The following IQSEC2 variants were observed in gnomAD, a reference collection of about 807,000 sequenced individuals.
The protein encoded by IQSEC2 is IQ motif and Sec7 domain ArfGEF 2.
Under a neutral mutation model 74.6 loss-of-function variants are expected in IQSEC2, and 6 were observed. That is an observed-to-expected ratio of 0.08 (90% CI 0.04 to 0.16). The LOEUF is 0.16. IQSEC2 is among the 10% of genes least tolerant of loss of function. IQSEC2 has a pLI of 1.00. For synonymous variants in IQSEC2, 494 were observed against 544.5 expected, an observed-to-expected ratio of 0.91 and a Z score of 1.29; for missense variants, 734 against 1,306.2, an observed-to-expected ratio of 0.56 and a Z score of 6.75.
In IQSEC2 at chrX:53,250,417, C is replaced by T; in HGVS notation, c.2159G>A (p.Ser720Asn). The T allele has an allele frequency of 1.7e-6, 2 of 1,211,979 alleles. No individual in the cohort carries two copies. The highest frequency in any genetic ancestry group is 2.2e-6 in the Non-Finnish European group (2 of 895,482). Residue 720 changes from serine (S) to asparagine (N), a missense_variant, in exon 5 of 15, where the codon AGT becomes AAT. Physicochemically the swap from Ser to Asn is conservative, Grantham distance 46. Coordinates refer to ENST00000642864, the MANE Select transcript of IQSEC2 (RefSeq NM_001111125.3). ...NCSSGSSSRD[S>N]LREPPATGLC... is the part of the protein sequence containing the mutation. Reference sequence around the variant, plus strand: ...GCCGGTAGCCGGAGGCTCCCTTAGACTGTCCCGAGAAGAGGAGCCGGAGCT... The same window carrying T: ...GCCGGTAGCCGGAGGCTCCCTTAGATTGTCCCGAGAAGAGGAGCCGGAGCT...
chrX:53,295,187 C>G (rs1276934834), intron 1 of IQSEC2, among the ~76,000 whole-genome samples: 2 of 112,111 alleles, frequency 1.8e-5, no homozygotes, highest in Non-Finnish European at 3.8e-5. Context: ...TATGCCAACT[C>G]CCATCCTCAG....
At chrX:53,304,045 G>T (rs2075237224) in intron 1 of IQSEC2, among the ~76,000 whole-genome samples, 1 of 109,238 alleles carries the variant, frequency 9.2e-6, no homozygotes, top group African/African-American at 3.3e-5. Context: ...CTAAGGCAGA[G>T]AATTGTTTGA....
intron 2 of IQSEC2, among the ~76,000 whole-genome samples, chrX:53,272,672 T>C (rs1479434612): frequency 9.0e-6 from 1 of 111,468 alleles, no homozygotes; most frequent in Non-Finnish European, 1.9e-5. Context: ...TTGGAATCCC[T>C]TTCCCAGGAA....
intron 1 of IQSEC2, among the ~76,000 whole-genome samples, chrX:53,310,775 C>T (rs1243915389): frequency 2.7e-5 from 3 of 111,129 alleles, no homozygotes; most frequent in African/African-American, 9.8e-5. Context: ...AGACAAAAAA[C>T]AGCAGAAAGA....
chrX:53,236,564 T>C, intron 12 of IQSEC2, 69 bp from the exon 13 acceptor site: 1 of 1,059,654 alleles, frequency 9.4e-7, no homozygotes, highest in Non-Finnish European at 1.3e-6. Context: ...TGACTGACCC[T>C]AGCCCTCCAT....
chrX:53,286,882 G>A (rs1309585592), intron 2 of IQSEC2, among the ~76,000 whole-genome samples: 3 of 98,109 alleles, frequency 3.1e-5, no homozygotes, highest in Admixed American at 2.4e-4. Flanking sequence ...GGAGGTTGCA[G>A]TGAGCCAAGA....
intron 1 of IQSEC2, among the ~76,000 whole-genome samples, chrX:53,309,812 A>C (rs1376105223): frequency 8.9e-6 from 1 of 112,572 alleles, no homozygotes; most frequent in African/African-American, 3.2e-5. Context: ...CCAAAAAAGA[A>C]ATCAACAAAG....
Position 53,281,728 on chromosome X carries a change from G to A in IQSEC2, c.737+10167C>T, listed in dbSNP as rs936826131. 48 of 390,361 alleles carry A rather than the reference G, an allele frequency of 1.2e-4. No individual in the cohort carries two copies. The Admixed American group carries it at 1.5e-3, about 12-fold the overall frequency. 32.2% of individuals were successfully genotyped at this position (390,361 alleles called of 1,213,427 possible). On this transcript the variant is annotated intron_variant, in intron 2 of 14. Coordinates refer to ENST00000642864, the MANE Select transcript of IQSEC2 (RefSeq NM_001111125.3). ...CTGGGAACTCCTCCTCCGAGGAAGC[G>A]GCCTGGAGAGCTCACAGTCCCTCCT...
At chrX:53,231,435 G>A (rs1048087647), downstream of IQSEC2, 2 of 111,366 alleles carry the variant, frequency 1.8e-5, no homozygotes, top group African/African-American at 6.6e-5. Context: ...GAGATTGGCT[G>A]GGCCACCTTG....
chrX:53,248,976 C>T lies in IQSEC2; in HGVS notation c.2298-94G>A, dbSNP rs183965301. ...AACTAATTTTGGGCCCAACTAAGTC[C>T]GGCCTCAGAGGACCAACGAAGTCAA... On this transcript the variant is annotated intron_variant, in intron 5 of 14. Transcript: ENST00000642864. 2.1e-5 allele frequency: 19 copies of T among 913,134 alleles called. No homozygotes were observed. The East Asian group carries it at 5.0e-4, about 24-fold the overall frequency. The allele number at this position is 913,134 out of a possible 1,213,427, so 75.3% of individuals were successfully genotyped here.
At chrX:53,294,399 T>C (rs1466880447) in intron 1 of IQSEC2, among the ~76,000 whole-genome samples, 2 of 112,320 alleles carry the variant, frequency 1.8e-5, no homozygotes, top group East Asian at 5.6e-4. Flanking sequence ...TCATTATGTA[T>C]AGAACAATCA....
At chrX:53,247,592 GA>G (rs1157251208) in intron 7 of IQSEC2, among the ~76,000 whole-genome samples, 2 of 112,100 alleles carry the variant, frequency 1.8e-5, no homozygotes, top group African/African-American at 6.5e-5. Flanking sequence ...CCAGGATTTA[GA>G]CCCCAGTCTA....
intron 1 of IQSEC2, among the ~76,000 whole-genome samples, chrX:53,307,876 G>A (rs1453220862): frequency 1.0e-5 from 1 of 99,241 alleles, no homozygotes; most frequent in African/African-American, 3.8e-5. Flanking sequence ...AACAGAGTGA[G>A]GCCCTGTCTA....
In IQSEC2 at chrX:53,234,179, C is replaced by T; in HGVS notation, c.*40G>A. The stretch of plus-strand genomic sequence containing the variant: ...GGTGCAAGGTCCCTCTCCTGTGGCT[C>T]CCCAGACTTTCCTGTTCCCCAGCTC... On this transcript the variant is annotated 3_prime_UTR_variant, in exon 15 of 15. Coordinates refer to ENST00000642864, the MANE Select transcript of IQSEC2 (RefSeq NM_001111125.3). The T allele has an allele frequency of 3.0e-6, 2 of 662,298 alleles. No homozygotes were observed. Among genetic ancestry groups the T allele is most frequent in the Non-Finnish European group, 4.3e-6 (2 of 463,988 alleles). 54.6% of individuals were successfully genotyped at this position (662,298 alleles called of 1,213,427 possible).
chrX:53,320,521 C>A lies in IQSEC2; in HGVS notation c.603G>T (p.Glu201Asp), dbSNP rs782248548. ...AVGVGPRPPR[E>D]RGQLSRGASR... ...ATGCGCCACGGCTCAGCTGGCCCCG[C>A]TCCCGCGGTGGCCGCGGCCCCACGC... The change falls in exon 1 of 15, where the codon GAG (glutamate) becomes GAT (aspartate). Residue 201 changes from glutamate (E) to aspartate (D), a missense_variant. By Grantham distance (45) the Glu-to-Asp change is conservative. This residue lies in a region of IQSEC2 where 134 missense variants were observed against 214.9 expected (regional missense o/e 0.62). Coordinates refer to ENST00000642864, the MANE Select transcript of IQSEC2 (RefSeq NM_001111125.3). The A allele has an allele frequency of 1.6e-5, 18 of 1,157,049 alleles. No homozygotes were observed. The South Asian group carries it at 3.3e-4, about 21-fold the overall frequency.
At chrX:53,289,168 T>TCC (rs2075066463) in intron 2 of IQSEC2, among the ~76,000 whole-genome samples, 6 of 47,057 alleles carry the variant, frequency 1.3e-4, no homozygotes, top group Non-Finnish European at 2.3e-4. Flanking sequence ...CCCTTCCCCC[T>TCC]CCACACACAC....
Position 53,250,692 on chromosome X carries a change from G to A in IQSEC2, c.1884C>T (p.Pro628=), listed in dbSNP as rs2074372746. 1.7e-6 allele frequency: 2 copies of A among 1,209,716 alleles called. No individual in the cohort carries two copies. The highest frequency in any genetic ancestry group is 2.2e-5 in the Admixed American group (1 of 45,865). The part of the protein sequence containing the change: ...QLVYEADGCS[P]HGTLKHKGPP... Reference sequence around the variant, plus strand: ...GCCCCTTGTGCTTCAGGGTCCCATGGGGGCTGCAGCCATCAGCCTCATACA... The same window carrying A: ...GCCCCTTGTGCTTCAGGGTCCCATGAGGGCTGCAGCCATCAGCCTCATACA... Residue 628 remains proline (P), a synonymous_variant, in exon 5 of 15, where the codon CCC becomes CCT. Transcript: ENST00000642864.
chrX:53,295,098 C>G (rs1188786556), intron 1 of IQSEC2, among the ~76,000 whole-genome samples: 1 of 111,693 alleles, frequency 9.0e-6, no homozygotes, highest in Non-Finnish European at 1.9e-5. Flanking sequence ...GCTGGGATTA[C>G]AGGCATGAGC....
chrX:53,302,798 A>G (rs1478286058), intron 1 of IQSEC2, among the ~76,000 whole-genome samples: 2 of 111,308 alleles, frequency 1.8e-5, no homozygotes, highest in African/African-American at 6.5e-5. Context: ...TTAGCCAGGC[A>G]TTTTAGTGTG....
Sources: allele counts gnomAD v4.1 joint callset (sites outside exome capture counted in the v4.1 genomes callset), GRCh38; gene constraint gnomAD v4.1.1; regional missense constraint gnomAD v4.1.1; transcripts MANE v1.5; gene names NCBI Gene and HGNC (gene_info 2026-07-23, HGNC 2026-07-21).